PCDH15: variants seen among roughly 807,000 people sequenced by gnomAD.
PCDH15 encodes protocadherin-15.
A neutral mutation model predicts 178.5 loss-of-function variants in PCDH15; 129 were observed. The observed-to-expected ratio is 0.72, with a 90% CI of 0.63 to 0.84. The LOEUF (loss-of-function observed/expected upper bound fraction) is 0.84. Ranked by LOEUF, PCDH15 falls within the 40% of genes least tolerant of loss-of-function variation. PCDH15 has a pLI of 0.00. For synonymous variants in PCDH15, 800 were observed against 732.0 expected, an observed-to-expected ratio of 1.09 and a Z score of -1.50; for missense variants, 2,230 against 2,099.9, an observed-to-expected ratio of 1.06 and a Z score of -1.21.
chr10:54,330,211 C>T (rs1355096358), intron 6 of PCDH15, among the ~76,000 whole-genome samples: 2 of 151,608 alleles, frequency 1.3e-5, no homozygotes, highest in East Asian at 1.9e-4. Context: ...TGATGAGGTA[C>T]ATTCCGAGAA....
intron 21 of PCDH15, among the ~76,000 whole-genome samples, chr10:53,963,143 A>G (rs567323552): frequency 1.8e-4 from 27 of 152,286 alleles, no homozygotes; most frequent in Non-Finnish European, 2.9e-4. Flanking sequence ...ATTGCTTTTT[A>G]TATTTCCATT....
At chr10:54,347,499 G>C (rs368686196) in intron 5 of PCDH15, among the ~76,000 whole-genome samples, 2 of 152,218 alleles carry the variant, frequency 1.3e-5, no homozygotes, top group East Asian at 3.9e-4. Flanking sequence ...TGTTTGCTCA[G>C]GGATTTGTTC....
At chr10:54,147,831 T>C (rs980348068) in intron 14 of PCDH15, among the ~76,000 whole-genome samples, 2 of 151,126 alleles carry the variant, frequency 1.3e-5, no homozygotes, top group African/African-American at 4.8e-5. Flanking sequence ...ACTACAAAGA[T>C]TATAGATATG....
chr10:54,540,885 T>C (rs578098093), intron 2 of PCDH15, among the ~76,000 whole-genome samples: 8 of 152,138 alleles, frequency 5.3e-5, no homozygotes, highest in Admixed American at 2.0e-4. Context: ...ATTCATCACA[T>C]AAACAAAATT....
chr10:54,119,349 T>C (rs1173223540), intron 15 of PCDH15, among the ~76,000 whole-genome samples: 2 of 152,042 alleles, frequency 1.3e-5, no homozygotes, highest in African/African-American at 4.8e-5. Context: ...TGTTAAAATA[T>C]ATCAAAAGCT....
chr10:53,818,811 TTATTACAAAGAGGCACA>T (rs1251169461), intron 33 of PCDH15, among the ~76,000 whole-genome samples: 10 of 152,122 alleles, frequency 6.6e-5, no homozygotes, highest in Non-Finnish European at 1.0e-4. Flanking sequence ...TAATGAAGAA[TTATTACAAAGAGGCACA>T]TATTACAAAG....
intron 2 of PCDH15, among the ~76,000 whole-genome samples, chr10:55,055,550 C>T (rs1192030821): frequency 6.6e-6 from 1 of 152,158 alleles, no homozygotes; most frequent in Non-Finnish European, 1.5e-5. Flanking sequence ...CACCTGTCAT[C>T]GCAGCACTTT....
chr10:54,027,356 C>G (rs1482910957), intron 18 of PCDH15, among the ~76,000 whole-genome samples: 4 of 151,866 alleles, frequency 2.6e-5, no homozygotes, highest in Non-Finnish European at 5.9e-5. Flanking sequence ...GTGAAAATGG[C>G]CATACTGCCC....
chr10:55,326,517 A>G (rs1262296289), intron 2 of PCDH15, among the ~76,000 whole-genome samples: 31 of 152,042 alleles, frequency 2.0e-4, no homozygotes, highest in Admixed American at 2.0e-3. Context: ...CTGTATAACA[A>G]ACATGCACAT....
At chr10:55,356,736 G>T (rs1450724878) in intron 2 of PCDH15, among the ~76,000 whole-genome samples, 1 of 151,790 alleles carries the variant, frequency 6.6e-6, no homozygotes, top group Non-Finnish European at 1.5e-5. Context: ...TACCCTGTAA[G>T]ATATGTGTGT....
intron 2 of PCDH15, among the ~76,000 whole-genome samples, chr10:54,572,037 C>T (rs2089916244): frequency 6.6e-6 from 1 of 152,062 alleles, no homozygotes; most frequent in Admixed American, 6.6e-5. Flanking sequence ...ACTCCTAAAC[C>T]TCTGTTTCTT....
intron 2 of PCDH15, among the ~76,000 whole-genome samples, chr10:54,926,372 T>A (rs1172680644): frequency 2.0e-5 from 3 of 152,094 alleles, no homozygotes; most frequent in Admixed American, 6.6e-5. Context: ...TGGAGTTTTT[T>A]AAATCAGTGT....
chr10:55,515,610 C>G (rs1237692587), intron 2 of PCDH15, among the ~76,000 whole-genome samples: 2 of 151,670 alleles, frequency 1.3e-5, no homozygotes, highest in Non-Finnish European at 2.9e-5. Context: ...AAGTTTTCAT[C>G]TAGTTAATAT....
intron 2 of PCDH15, among the ~76,000 whole-genome samples, chr10:55,592,567 G>A (rs1842863773): frequency 6.6e-6 from 1 of 152,098 alleles, no homozygotes; most frequent in South Asian, 2.1e-4. Flanking sequence ...GACTATTCTT[G>A]TGTGGCTTCC....
chr10:54,264,714 G>GA (rs1402228771), intron 8 of PCDH15, among the ~76,000 whole-genome samples: 3 of 151,860 alleles, frequency 2.0e-5, no homozygotes, highest in Non-Finnish European at 4.4e-5. Context: ...CAAAAATAAA[G>GA]AAAAAATATT....
At position 54,363,020 on chromosome 10, in the gene PCDH15, T is replaced by C. The variant is rs973668306; in HGVS notation, c.474+6100A>G. On this transcript the variant is annotated intron_variant, in intron 5 of 37. Coordinates refer to ENST00000644397, the MANE Select transcript of PCDH15 (RefSeq NM_001384140.1). ...TTTAACTCAAAGCAAACTCTTGCTTTCTATCTCAGGAACATCAGCGTAGAA... is the reference window on the plus strand; with the variant it reads ...TTTAACTCAAAGCAAACTCTTGCTTCCTATCTCAGGAACATCAGCGTAGAA... Among the ~76,000 whole-genome samples, 12 of 152,220 alleles carry C rather than the reference T, an allele frequency of 7.9e-5. No individual in the cohort carries two copies. In the South Asian group the frequency reaches 8.3e-4, roughly 11 times the overall value.
chr10:54,512,673 A>C (rs1033179444), intron 3 of PCDH15, among the ~76,000 whole-genome samples: 2 of 152,178 alleles, frequency 1.3e-5, no homozygotes, highest in African/African-American at 2.4e-5. Context: ...GGTTTTAAAT[A>C]AAAATATTTA....
chr10:55,110,536 A>G (rs1336810570), intron 2 of PCDH15, among the ~76,000 whole-genome samples: 2 of 152,088 alleles, frequency 1.3e-5, no homozygotes, highest in Non-Finnish European at 2.9e-5. Context: ...ATTTACATGG[A>G]TTCAAACTTT....
intron 3 of PCDH15, among the ~76,000 whole-genome samples, chr10:54,444,653 A>G (rs1173944222): frequency 6.6e-6 from 1 of 151,714 alleles, no homozygotes; most frequent in Non-Finnish European, 1.5e-5. Flanking sequence ...AGCTTGTCAT[A>G]TCATTACACA....
Sources: gnomAD v4.1 joint callset for allele counts (sites outside exome capture counted in the v4.1 genomes callset) on GRCh38, gnomAD v4.1.1 for gene constraint, MANE v1.5 for transcripts, NCBI Gene and HGNC (gene_info 2026-07-23, HGNC 2026-07-21) for gene names.